Variants in SLC36A1 observed in about 807,000 individuals in gnomAD.
SLC36A1 encodes the protein solute carrier family 36 member 1.
A neutral mutation model predicts 47.5 loss-of-function variants in SLC36A1; 30 were observed. The ratio of observed to expected loss-of-function variants is 0.63; its 90% CI spans 0.47 to 0.86. The LOEUF is 0.86. Among genes scored for constraint, SLC36A1 ranks in the 40% least tolerant of loss-of-function variants. The probability of loss-of-function intolerance (pLI) is 0.00; values close to 1 mark genes in which losing one functional copy is unlikely to be tolerated. For missense variants in SLC36A1, 517 were observed against 606.0 expected (o/e 0.85, Z 1.54); for synonymous variants, 255 against 249.7 (o/e 1.02, Z -0.20).
At chr5:151,427,135 C>T in the SLC36A1 span, among the ~76,000 whole-genome samples, 1 of 152,164 alleles carries the variant, frequency 6.6e-6, no homozygotes, top group African/African-American at 2.4e-5. Context: ...TCTTTCTTTA[C>T]CCCACAGTAT....
intron 10 of SLC36A1, 124 bp from the exon 11 acceptor site, chr5:151,487,859 G>A (rs1759770919): frequency 1.7e-6 from 2 of 1,169,598 alleles, no homozygotes; most frequent in Admixed American, 4.9e-5. Flanking sequence ...ACTGGACAAT[G>A]TCTAAGTTTT....
At chr5:151,403,333 G>A in the SLC36A1 span, among the ~76,000 whole-genome samples, 2 of 152,188 alleles carry the variant, frequency 1.3e-5, no homozygotes, top group Non-Finnish European at 2.9e-5. Context: ...AGTGTTGAAT[G>A]TGGGGCCTGG....
intron 1 of SLC36A1, among the ~76,000 whole-genome samples, chr5:151,456,533 A>G (rs1754540798): frequency 6.6e-6 from 1 of 152,202 alleles, no homozygotes; most frequent in South Asian, 2.1e-4. Flanking sequence ...CAATGCTGGT[A>G]TTAAGATACT....
At chr5:151,368,227 C>T in the SLC36A1 span, among the ~76,000 whole-genome samples, 1,244 of 152,302 alleles carry the variant, frequency 8.2e-3, 10 homozygotes, top group Non-Finnish European at 0.014. Context: ...AGACATCCTA[C>T]GCTGATAACC....
At chr5:151,388,383 C>T in the SLC36A1 span, among the ~76,000 whole-genome samples, 7 of 151,978 alleles carry the variant, frequency 4.6e-5, no homozygotes, top group Non-Finnish European at 7.4e-5. Flanking sequence ...TGCCGGTAAT[C>T]CCAGCTACTT....
chr5:151,420,464 C>T, the SLC36A1 span, among the ~76,000 whole-genome samples: 2 of 152,174 alleles, frequency 1.3e-5, no homozygotes, highest in African/African-American at 4.8e-5. Context: ...TGCTGCTTCC[C>T]AGAGACCATG....
At chr5:151,457,804 T>C (rs956349701) in intron 1 of SLC36A1, among the ~76,000 whole-genome samples, 4 of 152,048 alleles carry the variant, frequency 2.6e-5, no homozygotes, top group African/African-American at 7.2e-5. Context: ...TTCAGCAGAA[T>C]TGGATGATCC....
the SLC36A1 span, chr5:151,527,507 C>T: frequency 1.3e-5 from 11 of 820,926 alleles, no homozygotes; most frequent in East Asian, 3.1e-4. Flanking sequence ...CCACTGCCCA[C>T]CCGTAGCATT....
chr5:151,551,328 T>C, the SLC36A1 span: 1 of 859,034 alleles, frequency 1.2e-6, no homozygotes, highest in African/African-American at 1.7e-5. Context: ...GTAGAGAGTG[T>C]ATTAGACAAG....
At chr5:151,531,595 G>A in the SLC36A1 span, 3 of 1,612,474 alleles carry the variant, frequency 1.9e-6, no homozygotes, top group Non-Finnish European at 2.5e-6. The surrounding 1 kb of genome is among the most constrained non-coding windows in gnomAD (Gnocchi z 5.7). Flanking sequence ...ACCTGTGCGA[G>A]CATCCAGGCG....
At chr5:151,441,353 A>G (rs1019172952) in intron 1 of SLC36A1, among the ~76,000 whole-genome samples, 1 of 152,230 alleles carries the variant, frequency 6.6e-6, no homozygotes, top group Non-Finnish European at 1.5e-5. Context: ...TTTTAATAGT[A>G]TGTGCTATAA....
chr5:151,415,541 G>A, the SLC36A1 span, among the ~76,000 whole-genome samples: 13 of 152,132 alleles, frequency 8.5e-5, no homozygotes, highest in Non-Finnish European at 1.5e-4. Context: ...CCTCCTCAGA[G>A]AAGTTTTCCC....
chr5:151,510,857 A>G, the SLC36A1 span: 10 of 152,234 alleles, frequency 6.6e-5, no homozygotes, highest in Admixed American at 6.5e-4. Context: ...AGGCTAGGGA[A>G]GGGTGTGGCA....
the SLC36A1 span, chr5:151,509,989 A>G: frequency 6.2e-7 from 1 of 1,607,464 alleles, no homozygotes; most frequent in African/African-American, 1.4e-5. Context: ...CCTAACAAGG[A>G]GCCCATGGCA....
At chr5:151,380,573 G>A in the SLC36A1 span, 81 of 545,418 alleles carry the variant, frequency 1.5e-4, 3 homozygotes, top group Admixed American at 8.3e-4. Flanking sequence ...CTGGACATGC[G>A]TCTGAATGAG....
chr5:151,480,206 A>G (rs1416481131), intron 10 of SLC36A1: 1 of 531,064 alleles, frequency 1.9e-6, no homozygotes, highest in Non-Finnish European at 3.0e-6. Flanking sequence ...AGCTAATTTA[A>G]GTTTCTAAGA....
chr5:151,359,299 A>C, the SLC36A1 span, among the ~76,000 whole-genome samples: 1 of 152,174 alleles, frequency 6.6e-6, no homozygotes, highest in Admixed American at 6.5e-5. Flanking sequence ...CACTCAACCT[A>C]TATCTCTAAT....
chr5:151,351,421 G>A, the SLC36A1 span, among the ~76,000 whole-genome samples: 1 of 152,014 alleles, frequency 6.6e-6, no homozygotes, highest in Non-Finnish European at 1.5e-5. Context: ...CCCCTAAGTG[G>A]CCTAATCACA....
the SLC36A1 span, among the ~76,000 whole-genome samples, chr5:151,525,332 A>G: frequency 0.06 from 9,198 of 152,134 alleles, 331 homozygotes; most frequent in African/African-American, 0.11. Context: ...ACAATATCTC[A>G]CTTGAGCCCC....
Sources: gnomAD v4.1 joint callset for allele counts (sites outside exome capture counted in the v4.1 genomes callset) on GRCh38, gnomAD v4.1.1 for gene constraint, Gnocchi (gnomAD v3.1) non-coding constraint, MANE v1.5 for transcripts, NCBI Gene and HGNC (gene_info 2026-07-23, HGNC 2026-07-21) for gene names.